Variants in FBN2 observed in about 807,000 individuals in gnomAD.
FBN2 encodes the protein fibrillin-2.
In FBN2, 105 loss-of-function variants were observed where a neutral mutation model predicts 355.6. The observed-to-expected ratio is 0.30, with a 90% CI of 0.25 to 0.35. FBN2 has a LOEUF of 0.35. Among genes scored for constraint, FBN2 ranks in the 10% least tolerant of loss-of-function variants. The probability of loss-of-function intolerance (pLI) is 1.00; values close to 1 mark genes in which losing one functional copy is unlikely to be tolerated. For synonymous variants in FBN2, 1,350 were observed against 1,301.2 expected (o/e 1.04, Z -0.81); for missense variants, 3,280 against 3,758.7 (o/e 0.87, Z 3.33).
chr5:128,484,837 T>C (rs1561479904), intron 5 of FBN2, among the ~76,000 whole-genome samples: 1 of 152,162 alleles, frequency 6.6e-6, no homozygotes, highest in Non-Finnish European at 1.5e-5. Context: ...CAGGCTCTTG[T>C]GCACTCCGTA....
At chr5:128,288,095 C>T (rs192329314) in intron 53 of FBN2, among the ~76,000 whole-genome samples, 356 of 152,200 alleles carry the variant, frequency 2.3e-3, no homozygotes, top group Non-Finnish European at 4.1e-3. Flanking sequence ...TAACTGATTT[C>T]GAAGCATATC....
At chr5:128,331,333 GA>G (rs1750686572) in intron 32 of FBN2, among the ~76,000 whole-genome samples, 2 of 152,292 alleles carry the variant, frequency 1.3e-5, no homozygotes, top group South Asian at 4.1e-4. Context: ...TTGCTGAACA[GA>G]GGTGGGGAAG....
chr5:128,426,743 C>T (rs1231246283), intron 7 of FBN2, among the ~76,000 whole-genome samples: 1 of 152,164 alleles, frequency 6.6e-6, no homozygotes, highest in Non-Finnish European at 1.5e-5. Context: ...TCTTTCCAGT[C>T]CTTTCTTTCT....
intron 36 of FBN2, among the ~76,000 whole-genome samples, chr5:128,317,842 C>T (rs1292826783): frequency 6.6e-6 from 1 of 152,290 alleles, no homozygotes; most frequent in East Asian, 1.9e-4. Context: ...TATACCACCA[C>T]TCTGGGTTAT....
At chr5:128,411,492 GGAACTCCTCTCTGACCGTCCCCAGCT>G (rs1753060465) in intron 7 of FBN2, among the ~76,000 whole-genome samples, 1 of 152,098 alleles carries the variant, frequency 6.6e-6, no homozygotes, top group Non-Finnish European at 1.5e-5. Flanking sequence ...CATCCCTAGC[GGAACTCCTCTCTGACCGTCCCCAGCT>G]GAACTCCTCT....
chr5:128,509,159 A>G (rs1186032381), intron 5 of FBN2, among the ~76,000 whole-genome samples: 1 of 152,032 alleles, frequency 6.6e-6, no homozygotes, highest in African/African-American at 2.4e-5. Context: ...AAAAATTTTG[A>G]CCATTATTTC....
chr5:128,476,816 A>G (rs765822166), intron 5 of FBN2, among the ~76,000 whole-genome samples: 1 of 152,212 alleles, frequency 6.6e-6, no homozygotes, highest in Non-Finnish European at 1.5e-5. Context: ...GTCACAGCAC[A>G]CCATTATTAC....
At chr5:128,332,177 G>A (rs548079695) in intron 32 of FBN2, among the ~76,000 whole-genome samples, 28 of 152,138 alleles carry the variant, frequency 1.8e-4, no homozygotes, top group Admixed American at 6.5e-4. Context: ...AATCCTTACT[G>A]AGGGCCTATA....
intron 35 of FBN2, among the ~76,000 whole-genome samples, chr5:128,318,578 GTA>G (rs755631705): frequency 1.9e-4 from 28 of 148,500 alleles, no homozygotes; most frequent in African/African-American, 2.2e-4. Flanking sequence ...ATATATACAT[GTA>G]TATATATATA....
At chr5:128,339,157 G>T in intron 25 of FBN2, 96 bp from the exon 26 acceptor site, 1 of 1,275,084 alleles carries the variant, frequency 7.8e-7, no homozygotes, top group South Asian at 1.2e-5. Context: ...TGGGGAAATT[G>T]CTGGCTAACA....
intron 48 of FBN2, among the ~76,000 whole-genome samples, chr5:128,297,315 T>A (rs906465535): frequency 6.6e-6 from 1 of 152,166 alleles, no homozygotes; most frequent in Admixed American, 6.5e-5. Context: ...TGTATTCTGT[T>A]GATTTGGGGT....
chr5:128,348,739 G>T (rs1751254343), intron 23 of FBN2, among the ~76,000 whole-genome samples: 1 of 151,986 alleles, frequency 6.6e-6, no homozygotes. Context: ...AAAATTAATA[G>T]AAATTTCTTT....
chr5:128,326,397 T>C lies in FBN2; in HGVS notation c.4471+2299A>G, dbSNP rs373208035. ...TTATAGAAAATGGTCTGTATGTAGG[T>C]CTGTTCCATTTAATGGAGTCCTCTC... On this transcript the variant is annotated intron_variant, in intron 34 of 64. Transcript: ENST00000262464. Among the ~76,000 whole-genome samples, 2 of 152,186 alleles carry C rather than the reference T, an allele frequency of 1.3e-5. 1 individual carries two copies. Among genetic ancestry groups the C allele is most frequent in the South Asian group, 4.1e-4 (2 of 4,828 alleles).
chr5:128,328,495 C>A (rs942704220), intron 34 of FBN2: 37 of 671,010 alleles, frequency 5.5e-5, no homozygotes, highest in African/African-American at 3.9e-4. Context: ...TGGCTCTTGG[C>A]CAGGAAAACT....
Position 128,538,127 on chromosome 5 carries a change from A to T in FBN2, c.-524T>A, listed in dbSNP as rs551677638. 6.4e-6 allele frequency: 1 copy of T among 156,182 alleles called. No individual in the cohort carries two copies. The highest frequency in any genetic ancestry group is 1.9e-4 in the East Asian group (1 of 5,202). 9.7% of individuals were successfully genotyped at this position (156,182 alleles called of 1,614,324 possible). A position where few individuals can be genotyped will look rare whatever the true frequency, so the allele number is the denominator to read the frequency against. ...GAGGGTTCCCTCCGGGCTCGCTCGG[A>T]GTCCCACAGGGCAACGAAGCGCGGG... On this transcript the variant is annotated 5_prime_UTR_variant, in exon 1 of 65. Coordinates refer to ENST00000262464, the MANE Select transcript of FBN2 (RefSeq NM_001999.4).
At chr5:128,515,276 T>C (rs1756250919) in intron 5 of FBN2, among the ~76,000 whole-genome samples, 2 of 152,194 alleles carry the variant, frequency 1.3e-5, no homozygotes. Context: ...TTAAAGAGTT[T>C]ATAATTAGAA....
chr5:128,364,820 GT>G, intron 17 of FBN2, 95 bp from the exon 18 acceptor site: 1 of 1,045,902 alleles, frequency 9.6e-7, no homozygotes, highest in Non-Finnish European at 1.5e-6. Context: ...CATATGAAGT[GT>G]TTAACTCTGC....
chr5:128,370,660 A>G (rs17839646), intron 15 of FBN2, among the ~76,000 whole-genome samples: 3 of 152,102 alleles, frequency 2.0e-5, no homozygotes, highest in Non-Finnish European at 2.9e-5. Flanking sequence ...TTCTTTGGAC[A>G]TTACTGATGA....
Position 128,278,740 on chromosome 5 carries a change from C to T in FBN2, c.7240G>A (p.Gly2414Ser). The part of the protein sequence containing the change: ...LVTKSECCCD[G>S]GRGWGHQCEL... ...CACTGGTGGCCCCAGCCTCGCCCAC[C>T]ATCACAGCAGCATTCTGACTTAGTG... The change falls in exon 57 of 65, where the codon GGT becomes AGT. Residue 2414 changes from glycine (G) to serine (S), a missense_variant. Around this residue, in one of 6 missense-constraint regions of FBN2, gnomAD observed 2,284 missense variants for 2,749.5 expected, o/e 0.83. Coordinates refer to ENST00000262464, the MANE Select transcript of FBN2 (RefSeq NM_001999.4). 6.2e-7 allele frequency: 1 copy of T among 1,614,144 alleles called. No individual in the cohort carries two copies. Among genetic ancestry groups the T allele is most frequent in the Non-Finnish European group, 8.5e-7 (1 of 1,180,018 alleles).
Sources: gnomAD v4.1 joint callset for allele counts (sites outside exome capture counted in the v4.1 genomes callset) on GRCh38, gnomAD v4.1.1 for gene constraint, gnomAD v4.1.1 regional missense constraint, MANE v1.5 for transcripts, NCBI Gene and HGNC (gene_info 2026-07-23, HGNC 2026-07-21) for gene names.